LRP1B: variants seen among roughly 807,000 people sequenced by gnomAD.
The protein encoded by LRP1B is low-density lipoprotein receptor-related protein 1B.
In LRP1B, 217 loss-of-function variants were observed where a neutral mutation model predicts 556.6. The ratio of observed to expected loss-of-function variants is 0.39; its 90% confidence interval spans 0.35 to 0.44. The LOEUF (loss-of-function observed/expected upper bound fraction) is 0.44, where lower values mean the gene tolerates loss of function less well. Ranked by LOEUF, LRP1B falls within the 20% of genes least tolerant of loss-of-function variation. The pLI is 1.00. For missense variants in LRP1B, 5,053 were observed against 5,620.8 expected, an observed-to-expected ratio of 0.90 and a Z score of 3.23; for synonymous variants, 2,047 against 1,865.8, an observed-to-expected ratio of 1.10 and a Z score of -2.50.
At chr2:140,266,797 A>C (rs1682223722) in intron 86 of LRP1B, among the ~76,000 whole-genome samples, 1 of 152,040 alleles carries the variant, frequency 6.6e-6, no homozygotes, top group African/African-American at 2.4e-5. Context: ...ATCTCTATTT[A>C]ATTGTTTTCC....
At chr2:142,052,929 C>T (rs1448711471) in intron 1 of LRP1B, among the ~76,000 whole-genome samples, 1 of 152,134 alleles carries the variant, frequency 6.6e-6, no homozygotes, top group African/African-American at 2.4e-5. Context: ...TGACCATCTG[C>T]TTTGTCGGCA....
In LRP1B at chr2:140,292,231, A is replaced by G. The variant is rs1315268910; in HGVS notation, c.12967+5577T>C. ...TTGGCACTTGCAAATTTGGACTAATAGTATTAATCTCAAAGGGTTGTGTGA... is the reference window on the plus strand; with the variant it reads ...TTGGCACTTGCAAATTTGGACTAATGGTATTAATCTCAAAGGGTTGTGTGA... On this transcript the variant is annotated intron_variant, in intron 84 of 90. Transcript: ENST00000389484. Among the ~76,000 whole-genome samples the G allele has an allele frequency of 2.0e-5, 3 of 152,170 alleles. No homozygotes were observed. In the East Asian group the frequency reaches 5.8e-4, roughly 29 times the overall value.
At chr2:140,564,342 T>A (rs1681048112) in intron 43 of LRP1B, among the ~76,000 whole-genome samples, 1 of 152,152 alleles carries the variant, frequency 6.6e-6, no homozygotes, top group Admixed American at 6.5e-5. Context: ...GTTTTCCACA[T>A]ACAATAACAA....
chr2:140,856,425 A>G (rs943510671), intron 27 of LRP1B, among the ~76,000 whole-genome samples: 11 of 152,200 alleles, frequency 7.2e-5, no homozygotes, highest in African/African-American at 2.7e-4. Flanking sequence ...TTTTCTAATT[A>G]GTGACATTTG....
At chr2:141,752,939 G>A (rs1694169783) in intron 2 of LRP1B, among the ~76,000 whole-genome samples, 1 of 956 alleles carries the variant, frequency 1.0e-3, no homozygotes, top group Non-Finnish European at 0.018. Context: ...CTGAGACCCT[G>A]TCTCAGAAAA....
chr2:140,894,172 A>G (rs1693879706), intron 23 of LRP1B, among the ~76,000 whole-genome samples: 1 of 152,206 alleles, frequency 6.6e-6, no homozygotes, highest in Non-Finnish European at 1.5e-5. Context: ...CCAAGGCAGC[A>G]AATCTGCTTA....
At chr2:141,466,035 C>T (rs1682181825) in intron 3 of LRP1B, among the ~76,000 whole-genome samples, 1 of 151,874 alleles carries the variant, frequency 6.6e-6, no homozygotes, top group Admixed American at 6.6e-5. Flanking sequence ...ATTACAGGTG[C>T]CTGCTACTGC....
intron 35 of LRP1B, among the ~76,000 whole-genome samples, chr2:140,746,479 C>T (rs1037987999): frequency 5.9e-5 from 9 of 151,976 alleles, no homozygotes; most frequent in Non-Finnish European, 1.2e-4. Context: ...TTGCTACTCA[C>T]CTAGACTGAA....
At chr2:141,042,266 G>A (rs973080740) in intron 11 of LRP1B, among the ~76,000 whole-genome samples, 7 of 152,022 alleles carry the variant, frequency 4.6e-5, no homozygotes, top group Non-Finnish European at 1.0e-4. Context: ...TTTTTCTGGA[G>A]CAATCAACAG....
chr2:140,987,535 T>C (rs907905292), intron 17 of LRP1B, among the ~76,000 whole-genome samples: 32 of 152,260 alleles, frequency 2.1e-4, no homozygotes, highest in African/African-American at 7.5e-4. Flanking sequence ...TTAAAAACCA[T>C]GTAGAAACCA....
intron 1 of LRP1B, among the ~76,000 whole-genome samples, chr2:142,120,493 C>G (rs1707423235): frequency 6.6e-6 from 1 of 152,110 alleles, no homozygotes; most frequent in African/African-American, 2.4e-5. Context: ...TTCCCTTTTT[C>G]CTAATTAAAT....
At chr2:140,875,585 C>T (rs1408379125) in intron 25 of LRP1B, among the ~76,000 whole-genome samples, 1 of 152,090 alleles carries the variant, frequency 6.6e-6, no homozygotes, top group Non-Finnish European at 1.5e-5. Flanking sequence ...CAAAGACCTG[C>T]AATTATCAAG....
intron 24 of LRP1B, 67 bp downstream of exon 24, chr2:140,886,070 TA>T: frequency 2.1e-6 from 2 of 964,278 alleles, no homozygotes; most frequent in Non-Finnish European, 3.1e-6. Context: ...CTTCTAGTTA[TA>T]ACGTGTTCTT....
intron 3 of LRP1B, among the ~76,000 whole-genome samples, chr2:141,335,410 C>T (rs1687812348): frequency 6.6e-6 from 1 of 152,122 alleles, no homozygotes. Flanking sequence ...ACTAATTTGG[C>T]ATAATTGGTG....
chr2:140,594,602 T>C (rs16844298), intron 43 of LRP1B, among the ~76,000 whole-genome samples: 3,453 of 152,234 alleles, frequency 0.023, 157 homozygotes, highest in African/African-American at 0.078. Flanking sequence ...AACTTAAATA[T>C]AGGTTACTTC....
At chr2:140,572,739 G>T (rs1299701484) in intron 43 of LRP1B, among the ~76,000 whole-genome samples, 1 of 150,308 alleles carries the variant, frequency 6.7e-6, no homozygotes, top group Non-Finnish European at 1.5e-5. Flanking sequence ...CTGTTCATCA[G>T]CAGGGCAATA....
chr2:141,882,940 A>G (rs1036957032), intron 1 of LRP1B, among the ~76,000 whole-genome samples: 2 of 152,152 alleles, frequency 1.3e-5, no homozygotes, highest in Admixed American at 6.6e-5. Flanking sequence ...AAAGGTGGCA[A>G]ACGTATGTTG....
At position 140,321,945 on chromosome 2, in the gene LRP1B, A is replaced by G. The variant is rs1553446735; in HGVS notation, c.12640+18T>C. The G allele has an allele frequency of 6.2e-7, 1 of 1,603,848 alleles. No individual in the cohort carries two copies. Among genetic ancestry groups the G allele is most frequent in the East Asian group, 2.2e-5 (1 of 44,702 alleles). ...TAAGGATTAATTCATTATTTACAGA[A>G]TAATAAAGTATACCCACCTAACAGG... On this transcript the variant is annotated intron_variant, in intron 82 of 90. Coordinates refer to ENST00000389484, the MANE Select transcript of LRP1B (RefSeq NM_018557.3).
At chr2:141,462,814 T>C (rs1559083287) in intron 3 of LRP1B, among the ~76,000 whole-genome samples, 2 of 12,536 alleles carry the variant, frequency 1.6e-4, no homozygotes, top group South Asian at 0.031. Context: ...AAGCCAACAA[T>C]AAAATATTTT....
Sources: gnomAD v4.1 joint callset for allele counts (sites outside exome capture counted in the v4.1 genomes callset) on GRCh38, gnomAD v4.1.1 for gene constraint, MANE v1.5 for transcripts, NCBI Gene and HGNC (gene_info 2026-07-23, HGNC 2026-07-21) for gene names.